Variants in MYOF observed in about 807,000 individuals in gnomAD.
MYOF encodes the protein fer-1-like 3, myoferlin.
Under a neutral mutation model 284.2 loss-of-function variants are expected in MYOF, and 244 were observed. That is an observed-to-expected ratio of 0.86 (90% CI 0.77 to 0.95). MYOF has a LOEUF of 0.95. Ranked by LOEUF, MYOF falls within the 40% of genes least tolerant of loss-of-function variation. The pLI is 0.00. For synonymous variants in MYOF, 904 were observed against 919.7 expected (o/e 0.98, Z 0.31); for missense variants, 2,496 against 2,560.6 (o/e 0.97, Z 0.54).
In MYOF at chr10:93,313,113, G is replaced by A. The variant is rs1051889912; in HGVS notation, c.5796C>T (p.Pro1932=). ...AGAGGGAGGCTGTCTTGGCTTTAAG[G>A]GGGTTCATGGCTTTGAGGTCCGGAA... ...DMIPDLKAMN[P]LKAKTASLFE... The change falls in exon 51 of 54, where the codon CCC becomes CCT. Residue 1932 remains proline, a synonymous_variant. Coordinates refer to ENST00000359263, the MANE Select transcript of MYOF (RefSeq NM_013451.4). 1.9e-6 allele frequency: 3 copies of A among 1,613,974 alleles called. No homozygotes were observed. The highest frequency in any genetic ancestry group is 2.7e-5 in the African/African-American group (2 of 74,928).
chr10:93,400,839 C>G (rs1420644154), intron 12 of MYOF, among the ~76,000 whole-genome samples: 1 of 149,900 alleles, frequency 6.7e-6, no homozygotes, highest in African/African-American at 2.4e-5. Context: ...ACATTACTAC[C>G]CTTTGCTCAG....
chr10:93,359,814 C>T lies in MYOF; in HGVS notation c.3120+19G>A, dbSNP rs1844982839. The T allele has an allele frequency of 1.2e-6, 2 of 1,613,868 alleles. No individual in the cohort carries two copies. Among genetic ancestry groups the T allele is most frequent in the Non-Finnish European group, 1.7e-6 (2 of 1,179,964 alleles). On this transcript the variant is annotated intron_variant, in intron 29 of 53. Transcript: ENST00000359263. The stretch of plus-strand genomic sequence containing the variant: ...GGGCAGAGCTCCCCAGTCCAGCTCC[C>T]TTCCCTTGCTTCTCTTACCCTTGCG...
At chr10:93,464,400 T>G (rs1407903500) in intron 1 of MYOF, among the ~76,000 whole-genome samples, 1 of 152,140 alleles carries the variant, frequency 6.6e-6, no homozygotes, top group East Asian at 1.9e-4. Context: ...CTCTGGAGAA[T>G]CCTGACTAGT....
chr10:93,346,683 A>AT (rs1362037051), intron 37 of MYOF, among the ~76,000 whole-genome samples: 1 of 152,224 alleles, frequency 6.6e-6, no homozygotes, highest in Non-Finnish European at 1.5e-5. Flanking sequence ...CTGAAATAAA[A>AT]TCTCCTCCTC....
chr10:93,388,933 T>C (rs1846535176), intron 18 of MYOF, 97 bp downstream of exon 18: 2 of 1,463,220 alleles, frequency 1.4e-6, no homozygotes, highest in Admixed American at 2.2e-5. Context: ...TTAGGGAGTA[T>C]GAAACTTCTA....
Position 93,364,209 on chromosome 10 carries a change from T to C in MYOF, c.2754-134A>G, listed in dbSNP as rs1013542257. 7.3e-5 allele frequency: 48 copies of C among 659,812 alleles called. No homozygotes were observed. In the African/African-American group the frequency reaches 8.2e-4, roughly 11 times the overall value. 40.9% of individuals were successfully genotyped at this position (659,812 alleles called of 1,614,324 possible). A position where few individuals can be genotyped will look rare whatever the true frequency, so the allele number is the denominator to read the frequency against. ...CTCCTCGCTTTACCCCTGTTGGTTCTGACTCCAAATTCCTCTTTGTACTAA... is the reference window on the plus strand; with the variant it reads ...CTCCTCGCTTTACCCCTGTTGGTTCCGACTCCAAATTCCTCTTTGTACTAA... On this transcript the variant is annotated intron_variant, in intron 26 of 53. Coordinates refer to ENST00000359263, the MANE Select transcript of MYOF (RefSeq NM_013451.4).
chr10:93,453,529 C>A (rs1310426918), intron 2 of MYOF, among the ~76,000 whole-genome samples: 1 of 152,080 alleles, frequency 6.6e-6, no homozygotes, highest in East Asian at 1.9e-4. Flanking sequence ...AAACTCCTGA[C>A]CTCATGTGAT....
chr10:93,387,724 T>A (rs1846454082), intron 19 of MYOF, 73 bp downstream of exon 19: 1 of 1,292,368 alleles, frequency 7.7e-7, no homozygotes, highest in African/African-American at 1.5e-5. Flanking sequence ...GCCTTCCGAC[T>A]CCCCCAGCTA....
chr10:93,463,805 A>G (rs10786101), intron 1 of MYOF, among the ~76,000 whole-genome samples: 142,244 of 149,194 alleles, frequency 0.95, 68,203 homozygotes, highest in East Asian at 1. Flanking sequence ...TTGGGAGGTC[A>G]AGGCTGCAGT....
chr10:93,307,062 G>A, intron 53 of MYOF, 61 bp from the exon 54 acceptor site: 1 of 1,470,142 alleles, frequency 6.8e-7, no homozygotes, highest in African/African-American at 1.4e-5. Flanking sequence ...TTTCAGTTAG[G>A]GTTTCTCAAT....
In MYOF at chr10:93,396,191, T is replaced by C; in HGVS notation, c.1368A>G (p.Thr456=). The change falls in exon 16 of 54, where the codon ACA becomes ACG. Residue 456 remains threonine (T), a synonymous_variant. Transcript: ENST00000359263. The part of the protein sequence containing the change: ...DRLTKNDVVG[T]TYLHLSKIAA... ...CAATTTTAGAGAGGTGTAGATATGTTGTTCCAACTACATCATTTTTAGTAA... is the reference window on the plus strand; with the variant it reads ...CAATTTTAGAGAGGTGTAGATATGTCGTTCCAACTACATCATTTTTAGTAA... The C allele has an allele frequency of 6.2e-7, 1 of 1,605,762 alleles. No individual in the cohort carries two copies. Among genetic ancestry groups the C allele is most frequent in the South Asian group, 1.1e-5 (1 of 89,098 alleles).
chr10:93,389,303 G>T (rs1030607337), intron 17 of MYOF, 149 bp from the exon 18 acceptor site: 1 of 804,696 alleles, frequency 1.2e-6, no homozygotes, highest in Non-Finnish European at 1.8e-6. Context: ...CATGAGGTTT[G>T]CCATATTTCT....
chr10:93,364,026 A>G lies in MYOF; in HGVS notation c.2803T>C (p.Tyr935His), dbSNP rs778186481. Reference sequence around the variant, plus strand: ...CCGGGGTAGCGGCTCTCGTTCTGATAGACTTCATCAGTGAACTCCGTGTGA... The same window carrying G: ...CCGGGGTAGCGGCTCTCGTTCTGATGGACTTCATCAGTGAACTCCGTGTGA... ...AGHTEFTDEV[Y>H]QNESRYPGGD... Residue 935 changes from tyrosine to histidine, a missense_variant, in exon 27 of 54, where the codon TAT becomes CAT. Physicochemically the swap from Tyr to His is moderately conservative, Grantham distance 83. Coordinates refer to ENST00000359263, the MANE Select transcript of MYOF (RefSeq NM_013451.4). The G allele has an allele frequency of 1.2e-6, 2 of 1,614,070 alleles. No homozygotes were observed. The highest frequency in any genetic ancestry group is 8.5e-7 in the Non-Finnish European group (1 of 1,180,046).
intron 39 of MYOF, among the ~76,000 whole-genome samples, chr10:93,339,367 T>TTGTGTGTGTGTGTGTGTGTGTGTG (rs35070199): frequency 6.7e-6 from 1 of 150,226 alleles, no homozygotes; most frequent in Admixed American, 6.6e-5. Context: ...TGCTTCTTAT[T>TTGTGTGTGTGTGTGTGTGTGTGTG]TGTGTGTGTG....
intron 7 of MYOF, among the ~76,000 whole-genome samples, chr10:93,404,529 G>A (rs1847457852): frequency 6.6e-6 from 1 of 151,608 alleles, no homozygotes; most frequent in African/African-American, 2.4e-5. Flanking sequence ...CCAAAGCTAA[G>A]CAGGTATCGG....
chr10:93,355,863 AC>A lies in MYOF; in HGVS notation c.3295-128del, dbSNP rs934100253. On this transcript the variant is annotated intron_variant, in intron 30 of 53. Coordinates refer to ENST00000359263, the MANE Select transcript of MYOF (RefSeq NM_013451.4). ...TTTTTAAAGATGTTATCGTGCAAAC[AC>A]CCCATTTTTAAAGATGAATAAGTCC... The A allele has an allele frequency of 1.1e-4, 73 of 641,706 alleles. No homozygotes were observed. In the Middle Eastern group the frequency reaches 1.4e-3, roughly 12 times the overall value. 39.8% of individuals were successfully genotyped at this position (641,706 alleles called of 1,614,324 possible).
intron 5 of MYOF, among the ~76,000 whole-genome samples, chr10:93,412,979 G>A (rs1847969610): frequency 6.6e-6 from 1 of 152,102 alleles, no homozygotes; most frequent in Non-Finnish European, 1.5e-5. Context: ...AAGCAGCGAA[G>A]ACGAACTTCC....
At chr10:93,314,112 T>G (rs1320674236) in intron 50 of MYOF, among the ~76,000 whole-genome samples, 1 of 152,144 alleles carries the variant, frequency 6.6e-6, no homozygotes, top group Admixed American at 6.5e-5. Context: ...TTTTTGAGAC[T>G]GAGTCTCTCT....
At chr10:93,315,762 AATCC>A (rs1842587957) in intron 50 of MYOF, among the ~76,000 whole-genome samples, 1 of 152,024 alleles carries the variant, frequency 6.6e-6, no homozygotes, top group South Asian at 2.1e-4. Context: ...AGAGTGGGTA[AATCC>A]TTGGAGGGGG....
Sources: gnomAD v4.1 joint callset for allele counts (sites outside exome capture counted in the v4.1 genomes callset) on GRCh38, gnomAD v4.1.1 for gene constraint, MANE v1.5 for transcripts, NCBI Gene and HGNC (gene_info 2026-07-23, HGNC 2026-07-21) for gene names.